KCNN2: variants seen among roughly 807,000 people sequenced by gnomAD.
KCNN2 encodes small conductance calcium-activated potassium channel protein 2.
KCNN2 carries 24 observed loss-of-function variants against 55.5 expected under a neutral mutation model. The ratio of observed to expected loss-of-function variants is 0.43; its 90% confidence interval spans 0.31 to 0.61. The LOEUF is 0.61. Among genes scored for constraint, KCNN2 ranks in the 20% least tolerant of loss-of-function variants. The probability of loss-of-function intolerance (pLI) is 0.08; values close to 1 mark genes in which losing one functional copy is unlikely to be tolerated. For synonymous variants in KCNN2, 431 were observed against 336.1 expected, an observed-to-expected ratio of 1.28 and a Z score of -3.09; for missense variants, 754 against 853.6, an observed-to-expected ratio of 0.88 and a Z score of 1.45.
chr5:114,381,287 T>C (rs528667583), intron 2 of KCNN2, among the ~76,000 whole-genome samples: 1 of 152,360 alleles, frequency 6.6e-6, no homozygotes, highest in South Asian at 2.1e-4. Flanking sequence ...ATGAAATGGC[T>C]GGCAGTACAG....
intron 3 of KCNN2, among the ~76,000 whole-genome samples, chr5:114,460,391 C>T (rs1267565936): frequency 1.3e-5 from 2 of 152,094 alleles, no homozygotes; most frequent in African/African-American, 4.8e-5. Flanking sequence ...TATCGGCTTA[C>T]ACTACCATAC....
intron 1 of KCNN2, among the ~76,000 whole-genome samples, chr5:114,118,038 C>T (rs1186092897): frequency 6.6e-6 from 1 of 152,080 alleles, no homozygotes; most frequent in Non-Finnish European, 1.5e-5. Flanking sequence ...GCTGGCCTTG[C>T]CATCACCAAG....
At chr5:114,227,616 A>G (rs1754262868) in intron 2 of KCNN2, among the ~76,000 whole-genome samples, 2 of 152,210 alleles carry the variant, frequency 1.3e-5, no homozygotes, top group Non-Finnish European at 2.9e-5. Flanking sequence ...TTTTTAATTG[A>G]ATTGAGTAAT....
At chr5:114,238,452 C>G (rs575334458) in intron 2 of KCNN2, among the ~76,000 whole-genome samples, 1 of 151,890 alleles carries the variant, frequency 6.6e-6, no homozygotes, top group Non-Finnish European at 1.5e-5. Flanking sequence ...ATGGTGAAAC[C>G]CCGTCTCTAC....
rs3934511 is a variant in KCNN2, at chr5:114,115,347, C to T, written c.-271+58847C>T. Among the ~76,000 whole-genome samples, 353 of 152,164 alleles carry T rather than the reference C, an allele frequency of 2.3e-3. 3 individuals carry two copies. Among genetic ancestry groups the T allele is most frequent in the Non-Finnish European group, 4.2e-3 (284 of 67,996 alleles). ...TCACCTATAAAATGCTTTTACTGCT[C>T]CTCAGACCATAGCTAGCATTGTGCA... is the stretch of plus-strand genomic sequence containing the variant. On this transcript the variant is annotated intron_variant, in intron 1 of 10. Transcript: ENST00000512097.
At chr5:114,402,386 G>A (rs928031127) in intron 2 of KCNN2, among the ~76,000 whole-genome samples, 1 of 152,288 alleles carries the variant, frequency 6.6e-6, no homozygotes, top group South Asian at 2.1e-4. Flanking sequence ...CCTAGAGTAG[G>A]CATGGAGCCA....
intron 1 of KCNN2, among the ~76,000 whole-genome samples, chr5:114,206,081 C>T (rs932738337): frequency 1.3e-5 from 2 of 151,926 alleles, no homozygotes; most frequent in East Asian, 1.9e-4. Context: ...TTATTTTTCC[C>T]GTCTTTGATT....
intron 2 of KCNN2, among the ~76,000 whole-genome samples, chr5:114,246,321 C>T (rs148143060): frequency 3.3e-5 from 5 of 152,116 alleles, no homozygotes; most frequent in African/African-American, 9.6e-5. Flanking sequence ...AAATTATTTG[C>T]GATGCTCTAG....
At chr5:114,229,953 C>G (rs141310476) in intron 2 of KCNN2, among the ~76,000 whole-genome samples, 1 of 152,188 alleles carries the variant, frequency 6.6e-6, no homozygotes, top group East Asian at 1.9e-4. Context: ...TAACAGAAGC[C>G]TTTCTTTTTT....
chr5:114,133,424 A>C (rs1441172881), intron 1 of KCNN2, among the ~76,000 whole-genome samples: 1 of 152,176 alleles, frequency 6.6e-6, no homozygotes. Flanking sequence ...CTTAGAGTAT[A>C]ATTGCTGATG....
At chr5:114,475,780 A>G (rs1193641165) in intron 5 of KCNN2, among the ~76,000 whole-genome samples, 1 of 152,102 alleles carries the variant, frequency 6.6e-6, no homozygotes, top group East Asian at 1.9e-4. Context: ...TCCAGGATCT[A>G]GATCTATGGA....
At chr5:114,380,235 G>A (rs189232163) in intron 2 of KCNN2, among the ~76,000 whole-genome samples, 29 of 152,228 alleles carry the variant, frequency 1.9e-4, no homozygotes, top group Admixed American at 1.1e-3. Context: ...AATTGTTGCC[G>A]TTTTCTTCTA....
chr5:114,063,537 G>A (rs1034749247), intron 1 of KCNN2, among the ~76,000 whole-genome samples: 2 of 152,240 alleles, frequency 1.3e-5, no homozygotes, highest in African/African-American at 2.4e-5. Context: ...AGGCTCCCAG[G>A]TGATGCTGAT....
chr5:114,459,595 T>C (rs577716386), intron 3 of KCNN2, among the ~76,000 whole-genome samples: 1 of 152,312 alleles, frequency 6.6e-6, no homozygotes, highest in African/African-American at 2.4e-5. Context: ...AGTATCTAAT[T>C]TGGTTCCTGA....
chr5:114,155,827 G>A (rs886316887), intron 1 of KCNN2, among the ~76,000 whole-genome samples: 1 of 152,156 alleles, frequency 6.6e-6, no homozygotes, highest in Admixed American at 6.5e-5. Context: ...GCATCCTGTA[G>A]GTTGTCTGTT....
intron 2 of KCNN2, among the ~76,000 whole-genome samples, chr5:114,254,690 TTTTC>T (rs1754945975): frequency 6.6e-6 from 1 of 152,206 alleles, no homozygotes; most frequent in Non-Finnish European, 1.5e-5. Flanking sequence ...GGATTAAGCC[TTTTC>T]TTTATCATAT....
At chr5:114,190,238 G>A (rs984296965) in intron 1 of KCNN2, among the ~76,000 whole-genome samples, 1 of 151,992 alleles carries the variant, frequency 6.6e-6, no homozygotes, top group Admixed American at 6.6e-5. Context: ...CTGCTTCTAG[G>A]TAGATACGTT....
chr5:114,320,708 A>T (rs1417463672), intron 2 of KCNN2, among the ~76,000 whole-genome samples: 1 of 152,128 alleles, frequency 6.6e-6, no homozygotes, highest in African/African-American at 2.4e-5. Flanking sequence ...TTGGAGGGGT[A>T]GGGTGCATGG....
At chr5:114,492,565 ATAAAGT>A (rs762646675) in intron 6 of KCNN2, among the ~76,000 whole-genome samples, 2 of 152,172 alleles carry the variant, frequency 1.3e-5, no homozygotes, top group East Asian at 1.9e-4. Flanking sequence ...AATATAGTAA[ATAAAGT>A]TAAAGAATAG....
Sources: allele counts gnomAD v4.1 joint callset (sites outside exome capture counted in the v4.1 genomes callset), GRCh38; gene constraint gnomAD v4.1.1; transcripts MANE v1.5; gene names NCBI Gene and HGNC (gene_info 2026-07-23, HGNC 2026-07-21).